PDZK1: variants seen among roughly 807,000 people sequenced by gnomAD.
The protein encoded by PDZK1 is Na(+)/H(+) exchange regulatory cofactor NHE-RF3.
PDZK1 carries 23 observed loss-of-function variants against 38.1 expected under a neutral mutation model. The observed-to-expected ratio is 0.60, with a 90% CI of 0.43 to 0.85. The LOEUF (loss-of-function observed/expected upper bound fraction) is 0.85, where lower values mean the gene tolerates loss of function less well. Among genes scored for constraint, PDZK1 ranks in the 40% least tolerant of loss-of-function variants. The probability of loss-of-function intolerance (pLI) is 0.00; values close to 1 mark genes in which losing one functional copy is unlikely to be tolerated. For synonymous variants in PDZK1, 98 were observed against 186.2 expected, an observed-to-expected ratio of 0.53 and a Z score of 3.86; for missense variants, 297 against 504.3, an observed-to-expected ratio of 0.59 and a Z score of 3.94.
At chr1:145,691,579 G>C (rs1655237305) in intron 1 of PDZK1, among the ~76,000 whole-genome samples, 1 of 152,180 alleles carries the variant, frequency 6.6e-6, no homozygotes, top group Non-Finnish European at 1.5e-5. Flanking sequence ...AAGGCCTATG[G>C]ATTTCTAGAA....
At chr1:145,694,957 T>C (rs1278658459) in intron 1 of PDZK1, among the ~76,000 whole-genome samples, 2 of 141,066 alleles carry the variant, frequency 1.4e-5, no homozygotes, top group Admixed American at 7.1e-5. Context: ...GTGAGCAGAG[T>C]ATAAGTGAGG....
At chr1:145,674,198 G>A in intron 6 of PDZK1, 6 of 985,360 alleles carry the variant, frequency 6.1e-6, no homozygotes, top group Non-Finnish European at 7.2e-6. Flanking sequence ...TCATGATAGT[G>A]AGCAAGTCAC....
At position 145,687,851 on chromosome 1, in the gene PDZK1, C is replaced by CCTAA; in HGVS notation, c.167_170dup (p.Arg57SerfsTer2). 6.2e-7 allele frequency: 1 copy of CCTAA among 1,614,088 alleles called. No homozygotes were observed. Among genetic ancestry groups the CCTAA allele is most frequent in the Non-Finnish European group, 8.5e-7 (1 of 1,179,988 alleles). On this transcript the variant is annotated stop_gained and frameshift_variant, in exon 2 of 9. Transcript: ENST00000417171. LOFTEE classifies it high-confidence loss of function. ...CTTTGTCCACAAAGACACCATTGATCCTAAGAACTCTGTCTCCATCTTGAA... is the reference window on the plus strand; with the variant it reads ...CTTTGTCCACAAAGACACCATTGATCCTAACTAAGAACTCTGTCTCCATCTTGAA...
At chr1:145,705,146 A>C (rs1339649869) in intron 1 of PDZK1, among the ~76,000 whole-genome samples, 2 of 152,136 alleles carry the variant, frequency 1.3e-5, no homozygotes, top group Non-Finnish European at 2.9e-5. Context: ...GCTAGGGTGC[A>C]ATGGCACAAT....
At chr1:145,679,022 A>G (rs1361808821) in intron 5 of PDZK1, among the ~76,000 whole-genome samples, 1 of 151,830 alleles carries the variant, frequency 6.6e-6, no homozygotes, top group East Asian at 1.9e-4. Flanking sequence ...AAGATGGGGA[A>G]GAATAAAGAA....
chr1:145,696,729 AG>A (rs1398621618), intron 1 of PDZK1, among the ~76,000 whole-genome samples: 1 of 152,186 alleles, frequency 6.6e-6, no homozygotes, highest in Non-Finnish European at 1.5e-5. Context: ...CTGCCCACCC[AG>A]GCTGTGTGTT....
At chr1:145,674,212 A>G (rs1571571795) in intron 6 of PDZK1, 2 of 985,384 alleles carry the variant, frequency 2.0e-6, no homozygotes, top group South Asian at 9.4e-5. Context: ...AAGTCACTGA[A>G]CAAGCTATAC....
At chr1:145,682,890 TC>T (rs1654406710) in intron 3 of PDZK1, among the ~76,000 whole-genome samples, 1 of 152,186 alleles carries the variant, frequency 6.6e-6, no homozygotes, top group Non-Finnish European at 1.5e-5. Context: ...ATATACCCTT[TC>T]CCTATGGTAT....
chr1:145,697,763 A>ATTTTT lies in PDZK1; in HGVS notation c.-3+9549_-3+9553dup, dbSNP rs10564713. 5.7e-3 allele frequency among the ~76,000 whole-genome samples: 258 copies of ATTTTT among 44,980 alleles called. 56 individuals carry two copies. Among genetic ancestry groups the ATTTTT allele is most frequent in the African/African-American group, 0.023 (231 of 10,198 alleles). 29.5% of individuals were successfully genotyped at this position (44,980 alleles called of 152,430 possible). ...AGGCACCCGCCACCATGCCCAGCTA[A>ATTTTT]TTTTTTTTTTTTTTTTTTTTTTTTT... On this transcript the variant is annotated intron_variant, in intron 1 of 8. Coordinates refer to ENST00000417171, the MANE Select transcript of PDZK1 (RefSeq NM_001201325.2).
chr1:145,690,681 G>A (rs1655171245), intron 1 of PDZK1, among the ~76,000 whole-genome samples: 1 of 152,150 alleles, frequency 6.6e-6, no homozygotes, highest in African/African-American at 2.4e-5. Flanking sequence ...CTCACGCCCT[G>A]CAGTGTCAAC....
intron 1 of PDZK1, among the ~76,000 whole-genome samples, chr1:145,702,690 G>A (rs587648343): frequency 8.5e-5 from 13 of 152,230 alleles, no homozygotes; most frequent in Admixed American, 5.2e-4. Context: ...TCAGGAGATC[G>A]AGACCATCCT....
chr1:145,687,898 T>C lies in PDZK1; in HGVS notation c.124A>G (p.Ser42Gly), dbSNP rs587596677. 6.2e-7 allele frequency: 1 copy of C among 1,613,776 alleles called. No individual in the cohort carries two copies. Among genetic ancestry groups the C allele is most frequent in the South Asian group, 1.1e-5 (1 of 91,042 alleles). Residue 42 changes from serine to glycine, a missense_variant, in exon 2 of 9, where the codon AGC (serine) becomes GGC (glycine). Ser to Gly is a moderately conservative substitution (Grantham distance 56). Coordinates refer to ENST00000417171, the MANE Select transcript of PDZK1 (RefSeq NM_001201325.2). ...GHLVRVVEKC[S>G]PAEKAGLQDG... is the part of the protein sequence containing the mutation. Reference sequence around the variant, plus strand: ...TGAAGGCCAGCCTTCTCTGCTGGGCTACACTTCTCAACCACCCGGACCAGG... The same window carrying C: ...TGAAGGCCAGCCTTCTCTGCTGGGCCACACTTCTCAACCACCCGGACCAGG...
rs370056114 is a variant in PDZK1 at position 145,672,749 on chromosome 1, G to A, written c.1487C>T (p.Ser496Leu). Residue 496 changes from serine (S) to leucine (L), a missense_variant, in exon 8 of 9, where the codon TCG becomes TTG. Ser to Leu is a moderately radical substitution (Grantham distance 145). This residue lies in a region of PDZK1 where 54 missense variants were observed against 72.1 expected (regional missense o/e 0.75). Coordinates refer to ENST00000417171, the MANE Select transcript of PDZK1 (RefSeq NM_001201325.2). ...ACTCACCCGTTCTTTTGCCATGTGC[G>A]AGTCATGGTTTGACTCCACCACTAT... ...EGIVVESNHDSHMAKERAHST... is the reference protein window; with the variant it reads ...EGIVVESNHDLHMAKERAHST... 1.1e-4 allele frequency: 178 copies of A among 1,611,798 alleles called. 1 individual carries two copies. The highest frequency in any genetic ancestry group is 1.4e-4 in the Non-Finnish European group (168 of 1,179,802).
intron 8 of PDZK1, 159 bp from the exon 9 acceptor site, chr1:145,671,648 T>A (rs1553697887): frequency 1.8e-6 from 1 of 548,632 alleles, no homozygotes; most frequent in Admixed American, 3.2e-5. Flanking sequence ...AGCTGATAAA[T>A]CAAGTAAAAA....
At chr1:145,680,363 A>G (rs1456108168) in intron 5 of PDZK1, among the ~76,000 whole-genome samples, 1 of 152,146 alleles carries the variant, frequency 6.6e-6, no homozygotes, top group Non-Finnish European at 1.5e-5. Flanking sequence ...GCCCGAACTC[A>G]TGTTCTTTTA....
intron 1 of PDZK1, among the ~76,000 whole-genome samples, chr1:145,705,239 C>T (rs889494644): frequency 1.3e-5 from 2 of 152,256 alleles, no homozygotes; most frequent in Non-Finnish European, 2.9e-5. Context: ...TACAGACAGG[C>T]AGTACCACGC....
In PDZK1 at chr1:145,671,064, T is replaced by C. The variant is rs1418372140; in HGVS notation, c.*372A>G. On this transcript the variant is annotated 3_prime_UTR_variant, in exon 9 of 9. Coordinates refer to ENST00000417171, the MANE Select transcript of PDZK1 (RefSeq NM_001201325.2). ...ATTTTAATAGGCTTATCTGCTAAGA[T>C]GCTTTTATAAGCAGCTGTCACCTAT... 4 of 196,954 alleles carry C rather than the reference T, an allele frequency of 2.0e-5. No individual in the cohort carries two copies. The highest frequency in any genetic ancestry group is 5.6e-5 in the Admixed American group (1 of 17,942). 12.2% of individuals were successfully genotyped at this position (196,954 alleles called of 1,614,324 possible).
rs587726489 is a variant in PDZK1, at chr1:145,685,494, C to T, written c.460+983G>A. On this transcript the variant is annotated intron_variant, in intron 3 of 8. Coordinates refer to ENST00000417171, the MANE Select transcript of PDZK1 (RefSeq NM_001201325.2). ...CTTTACTGATAATAGGCTTCTAAGA[C>T]GTGCCAAGCTTCCTTTGACTATACA... is the stretch of plus-strand genomic sequence containing the variant. Among the ~76,000 whole-genome samples the T allele has an allele frequency of 6.6e-5, 10 of 152,150 alleles. No homozygotes were observed. The South Asian group carries it at 8.3e-4, about 13-fold the overall frequency.
intron 6 of PDZK1, chr1:145,676,025 A>C (rs1458651825): frequency 1.1e-5 from 2 of 187,948 alleles, no homozygotes; most frequent in African/African-American, 2.4e-5. Flanking sequence ...CTCAAAAAAA[A>C]AAAATGAGAT....
Sources: gnomAD v4.1 joint callset for allele counts (sites outside exome capture counted in the v4.1 genomes callset) on GRCh38, gnomAD v4.1.1 for gene constraint, gnomAD v4.1.1 regional missense constraint, MANE v1.5 for transcripts, NCBI Gene and HGNC (gene_info 2026-07-23, HGNC 2026-07-21) for gene names.